MARK4: variants seen among roughly 807,000 people sequenced by gnomAD.
MARK4 encodes microtubule affinity regulating kinase 4.
MARK4 carries 19 observed loss-of-function variants against 81.5 expected under a neutral mutation model. The observed-to-expected ratio is 0.23, with a 90% CI of 0.16 to 0.34. The LOEUF is 0.34. Ranked by LOEUF, MARK4 falls within the 10% of genes least tolerant of loss-of-function variation. MARK4 has a pLI of 1.00. For missense variants in MARK4, 772 were observed against 1,058.8 expected (o/e 0.73, Z 3.76); for synonymous variants, 436 against 439.0 (o/e 0.99, Z 0.08).
At chr19:45,266,016 C>A (rs1970448707) in intron 6 of MARK4, among the ~76,000 whole-genome samples, 1 of 151,938 alleles carries the variant, frequency 6.6e-6, no homozygotes, top group Non-Finnish European at 1.5e-5. Context: ...TTCCGACATC[C>A]CTGGGCATGG....
intron 1 of MARK4, among the ~76,000 whole-genome samples, chr19:45,252,739 G>A (rs997116065): frequency 6.6e-6 from 1 of 152,100 alleles, no homozygotes; most frequent in Non-Finnish European, 1.5e-5. Flanking sequence ...GGGTCAATCT[G>A]CTGGAAGCTT....
chr19:45,285,826 C>T (rs952294941), intron 12 of MARK4, among the ~76,000 whole-genome samples: 3 of 152,180 alleles, frequency 2.0e-5, no homozygotes, highest in African/African-American at 4.8e-5. Flanking sequence ...AGCAGACCTT[C>T]TGACCCTCTC....
At chr19:45,298,109 CCT>C (rs1970915622) in intron 15 of MARK4, 155 bp downstream of exon 15, 7 of 1,605,386 alleles carry the variant, frequency 4.4e-6, no homozygotes, top group African/African-American at 1.3e-5. Context: ...TTCCTCCTCC[CCT>C]GTCACCCCTC....
At chr19:45,284,682 G>A (rs773634524) in intron 12 of MARK4, among the ~76,000 whole-genome samples, 61 of 152,190 alleles carry the variant, frequency 4.0e-4, no homozygotes, top group Non-Finnish European at 7.5e-4. Context: ...GCTGAGTGCA[G>A]TGGCTTACGC....
rs1192311857 is a variant in MARK4, at chr19:45,303,602, TC to T, written c.*895del. The T allele has an allele frequency of 2.0e-5, 3 of 152,070 alleles. No homozygotes were observed. The highest frequency in any genetic ancestry group is 7.3e-5 in the African/African-American group (3 of 41,374). The allele number at this position is 152,070 out of a possible 1,614,324, so 9.4% of individuals were successfully genotyped here. ...GGGCCCCCCATTCATCCACTCACAC[TC>T]CCAGCCACCATGTTACACTGGACTC... On this transcript the variant is annotated 3_prime_UTR_variant, in exon 17 of 17. Coordinates refer to ENST00000262891, the MANE Select transcript of MARK4 (RefSeq NM_001199867.2).
rs537335257 is a variant in MARK4, at chr19:45,283,388, G to C, written c.1276+2654G>C. On this transcript the variant is annotated intron_variant, in intron 12 of 16. Coordinates refer to ENST00000262891, the MANE Select transcript of MARK4 (RefSeq NM_001199867.2). ...CGCGCCACTACACTCTAGCCTGGGC[G>C]ATAAGAGTGAGACTTCCTCTCAAAA... Among the ~76,000 whole-genome samples the C allele has an allele frequency of 9.9e-5, 12 of 121,404 alleles. No homozygotes were observed. In the South Asian group the frequency reaches 3.4e-3, roughly 34 times the overall value. 79.6% of individuals were successfully genotyped at this position (121,404 alleles called of 152,430 possible).
rs1193380759 is a variant in MARK4 at position 45,271,277 on chromosome 19, C to T, written c.550-195C>T. ...CTATGAAATAGGAACTAAGATTATC[C>T]CCATTCTATGGATGAGGAAACTGAG... On this transcript the variant is annotated intron_variant, in intron 7 of 16. Coordinates refer to ENST00000262891, the MANE Select transcript of MARK4 (RefSeq NM_001199867.2). This position sits in a 1 kb window ranked among gnomAD's most constrained non-coding sequence, Gnocchi z 4.1. 6.6e-6 allele frequency among the ~76,000 whole-genome samples: 1 copy of T among 152,112 alleles called. No homozygotes were observed. Among genetic ancestry groups the T allele is most frequent in the African/African-American group, 2.4e-5 (1 of 41,418 alleles).
At chr19:45,255,612 C>T (rs1462759990) in intron 1 of MARK4, among the ~76,000 whole-genome samples, 2 of 150,548 alleles carry the variant, frequency 1.3e-5, no homozygotes, top group Non-Finnish European at 2.9e-5. Context: ...GGGTTCAGAT[C>T]GTGGGTCCGG....
At chr19:45,292,004 G>A (rs967976033) in intron 13 of MARK4, among the ~76,000 whole-genome samples, 3 of 152,234 alleles carry the variant, frequency 2.0e-5, no homozygotes, top group African/African-American at 4.8e-5. Context: ...AAATCTTCAT[G>A]AATGCAAAGA....
At chr19:45,300,370 A>AAAAAAAAAAT (rs60959006) in intron 16 of MARK4, among the ~76,000 whole-genome samples, 1 of 134,110 alleles carries the variant, frequency 7.5e-6, no homozygotes, top group Non-Finnish European at 1.6e-5. Flanking sequence ...AAAAAAAAAA[A>AAAAAAAAAAT]GCCTCATCCC....
intron 7 of MARK4, among the ~76,000 whole-genome samples, chr19:45,270,371 A>G (rs1439137442): frequency 1.3e-5 from 2 of 152,154 alleles, no homozygotes; most frequent in Non-Finnish European, 2.9e-5. Flanking sequence ...GCAGACAGAC[A>G]CTGTTATAAT....
chr19:45,270,332 G>A (rs1480570872), intron 7 of MARK4, among the ~76,000 whole-genome samples: 2 of 152,148 alleles, frequency 1.3e-5, no homozygotes, highest in African/African-American at 4.8e-5. Context: ...GGAATTCTCC[G>A]AGAGTCTGTC....
At position 45,280,435 on chromosome 19, in the gene MARK4, G is replaced by C. The variant is rs779872451; in HGVS notation, c.1068G>C (p.Lys356Asn). 1.2e-6 allele frequency: 2 copies of C among 1,614,222 alleles called. No individual in the cohort carries two copies. The highest frequency in any genetic ancestry group is 1.7e-6 in the Non-Finnish European group (2 of 1,180,026). The change falls in exon 11 of 17, where the codon AAG becomes AAC. Residue 356 changes from lysine to asparagine, a missense_variant. By Grantham distance (94) the Lys-to-Asn change is moderately conservative. Coordinates refer to ENST00000262891, the MANE Select transcript of MARK4 (RefSeq NM_001199867.2). ...TCAAAGAGTCCTTGACCAGCCAGAA[G>C]TACAACGAAGTGACCGCCACCTACC... is the stretch of plus-strand genomic sequence containing the variant. ...EEIKESLTSQ[K>N]YNEVTATYLL...
rs1970524780 is a variant in MARK4, at chr19:45,271,409, C to T, written c.550-63C>T. 2 of 1,526,430 alleles carry T rather than the reference C, an allele frequency of 1.3e-6. No individual in the cohort carries two copies. Among genetic ancestry groups the T allele is most frequent in the Non-Finnish European group, 1.8e-6 (2 of 1,111,842 alleles). The allele number at this position is 1,526,430 out of a possible 1,614,324, so 94.6% of individuals were successfully genotyped here. Reference sequence around the variant, plus strand: ...TAGAGCCTGTGCTCCTGTCTGCCTCCCACGTCCATGAAAGGCTTTGGCCTT... The same window carrying T: ...TAGAGCCTGTGCTCCTGTCTGCCTCTCACGTCCATGAAAGGCTTTGGCCTT... On this transcript the variant is annotated intron_variant, in intron 7 of 16. Transcript: ENST00000262891. The surrounding 1 kb of genome is among the most constrained non-coding windows in gnomAD (Gnocchi z 4.1).
rs576148808 is a variant in MARK4 at position 45,274,109 on chromosome 19, C to T, written c.786+2401C>T. Among the ~76,000 whole-genome samples the T allele has an allele frequency of 3.3e-5, 5 of 152,144 alleles. 1 individual carries two copies. Among genetic ancestry groups the T allele is most frequent in the South Asian group, 4.2e-4 (2 of 4,816 alleles). ...CTAAAAATACAAAAAATTAGCCGGG[C>T]GTGGTGGCAGGCGCCTGTAGTCCCA... is the stretch of plus-strand genomic sequence containing the variant. On this transcript the variant is annotated intron_variant, in intron 8 of 16. Transcript: ENST00000262891.
chr19:45,266,024 T>C (rs956729091), intron 6 of MARK4, among the ~76,000 whole-genome samples: 3 of 151,830 alleles, frequency 2.0e-5, no homozygotes, highest in Admixed American at 6.6e-5. Flanking sequence ...TCCCTGGGCA[T>C]GGGGGTGTCC....
At chr19:45,285,918 T>C (rs1970737079) in intron 12 of MARK4, among the ~76,000 whole-genome samples, 1 of 152,216 alleles carries the variant, frequency 6.6e-6, no homozygotes. Context: ...TATTTTGTGT[T>C]GCTTTTGAAA....
intron 7 of MARK4, 76 bp downstream of exon 7, chr19:45,266,357 G>A (rs992519486): frequency 2.8e-6 from 4 of 1,420,792 alleles, no homozygotes; most frequent in Admixed American, 3.4e-5. Flanking sequence ...ACCCCTCCAT[G>A]GTTTCCGTGG....
intron 2 of MARK4, among the ~76,000 whole-genome samples, chr19:45,260,469 A>C (rs1970366877): frequency 6.6e-6 from 1 of 151,632 alleles, no homozygotes; most frequent in Admixed American, 6.6e-5. Flanking sequence ...AGGCAGGTGG[A>C]TCACCTGAGG....
Sources: gnomAD v4.1 joint callset for allele counts (sites outside exome capture counted in the v4.1 genomes callset) on GRCh38, gnomAD v4.1.1 for gene constraint, Gnocchi (gnomAD v3.1) non-coding constraint, MANE v1.5 for transcripts, NCBI Gene and HGNC (gene_info 2026-07-23, HGNC 2026-07-21) for gene names.